The following SUGCT variants were observed in gnomAD, a reference collection of about 807,000 sequenced individuals.
SUGCT encodes succinyl-CoA:glutarate CoA-transferase.
A neutral mutation model predicts 55.0 loss-of-function variants in SUGCT; 41 were observed. The ratio of observed to expected loss-of-function variants is 0.74; its 90% confidence interval spans 0.58 to 0.97. The LOEUF is 0.97. Among genes scored for constraint, SUGCT ranks in the 50% least tolerant of loss-of-function variants. SUGCT has a pLI of 0.00. For missense variants in SUGCT, 568 were observed against 547.8 expected (o/e 1.04, Z -0.37); for synonymous variants, 187 against 200.4 (o/e 0.93, Z 0.56).
At chr7:40,943,293 A>T in the SUGCT span, among the ~76,000 whole-genome samples, 1 of 150,154 alleles carries the variant, frequency 6.7e-6, no homozygotes, top group Non-Finnish European at 1.5e-5. Context: ...ATTATTTATT[A>T]TTATACTTTA....
At chr7:40,321,732 C>A (rs1795765078) in intron 9 of SUGCT, among the ~76,000 whole-genome samples, 1 of 152,140 alleles carries the variant, frequency 6.6e-6, no homozygotes, top group Non-Finnish European at 1.5e-5. Context: ...GCCTCCAATT[C>A]CATCCATGTT....
intron 1 of SUGCT, among the ~76,000 whole-genome samples, chr7:40,179,578 C>T (rs1440610152): frequency 1.3e-5 from 2 of 152,242 alleles, no homozygotes; most frequent in South Asian, 2.1e-4. Context: ...CCACCATGCC[C>T]GGCCAGTTGG....
intron 9 of SUGCT, among the ~76,000 whole-genome samples, chr7:40,378,556 C>T (rs1434383709): frequency 2.0e-5 from 3 of 152,064 alleles, no homozygotes; most frequent in Admixed American, 1.3e-4. Flanking sequence ...CACTGCAATC[C>T]CTGCCTCCCA....
At chr7:40,949,297 G>C in the SUGCT span, among the ~76,000 whole-genome samples, 1 of 152,036 alleles carries the variant, frequency 6.6e-6, no homozygotes, top group African/African-American at 2.4e-5. Flanking sequence ...CTTGTTGATG[G>C]GGTTGTTTGT....
the SUGCT span, among the ~76,000 whole-genome samples, chr7:41,037,306 G>C: frequency 6.6e-6 from 1 of 151,804 alleles, no homozygotes; most frequent in African/African-American, 2.4e-5. Flanking sequence ...ATGTCTGTGG[G>C]TCTCACTTGC....
At chr7:40,984,650 T>C in the SUGCT span, among the ~76,000 whole-genome samples, 1 of 152,322 alleles carries the variant, frequency 6.6e-6, no homozygotes, top group East Asian at 1.9e-4. Flanking sequence ...CCATCTGTGA[T>C]GTTCTAGGTT....
In SUGCT at chr7:40,159,629, A is replaced by C. The variant is rs539902779; in HGVS notation, c.101-21318A>C. Among the ~76,000 whole-genome samples the C allele has an allele frequency of 1.5e-3, 221 of 152,158 alleles. 1 individual carries two copies. The highest frequency in any genetic ancestry group is 2.5e-3 in the Non-Finnish European group (173 of 67,992). On this transcript the variant is annotated intron_variant, in intron 1 of 13. Transcript: ENST00000335693. ...TGTTATCTGCCCACCTCGGCCTCCC[A>C]AAGTGCTGGAATTACAGGTGTGAGC...
At chr7:40,705,823 C>T (rs540251350) in intron 12 of SUGCT, among the ~76,000 whole-genome samples, 8 of 152,214 alleles carry the variant, frequency 5.3e-5, no homozygotes, top group African/African-American at 9.6e-5. Context: ...TGCACCCTGG[C>T]GGCTCCTTTC....
At chr7:40,879,084 G>A in the SUGCT span, among the ~76,000 whole-genome samples, 2 of 152,020 alleles carry the variant, frequency 1.3e-5, no homozygotes, top group African/African-American at 4.8e-5. Context: ...GAACCACCGC[G>A]CCCAGCCCCT....
At chr7:40,960,425 G>T in the SUGCT span, among the ~76,000 whole-genome samples, 1 of 152,200 alleles carries the variant, frequency 6.6e-6, no homozygotes, top group Middle Eastern at 3.4e-3. Context: ...CAGTATTTTT[G>T]AGAAGAGTCC....
chr7:40,883,431 C>G, the SUGCT span, among the ~76,000 whole-genome samples: 2 of 152,286 alleles, frequency 1.3e-5, no homozygotes, highest in East Asian at 3.9e-4. Context: ...TAGAAATTAA[C>G]AGCATGGGCC....
intron 12 of SUGCT, among the ~76,000 whole-genome samples, chr7:40,567,914 T>C (rs1187726398): frequency 1.3e-5 from 2 of 152,374 alleles, no homozygotes; most frequent in Non-Finnish European, 2.9e-5. Context: ...GAATCTCTTA[T>C]GATGGCATAC....
chr7:40,833,321 C>T (rs5883741), intron 13 of SUGCT, among the ~76,000 whole-genome samples: 14,580 of 136,502 alleles, frequency 0.11, 757 homozygotes, highest in Middle Eastern at 0.19. Context: ...AGTTTTTTCC[C>T]TTTTTTTCTA....
chr7:40,256,728 T>C (rs1185787409), intron 7 of SUGCT, among the ~76,000 whole-genome samples: 1 of 152,100 alleles, frequency 6.6e-6, no homozygotes, highest in Non-Finnish European at 1.5e-5. Flanking sequence ...TTGGAATACA[T>C]AATTTTTTAT....
intron 12 of SUGCT, among the ~76,000 whole-genome samples, chr7:40,650,074 G>A (rs1488930058): frequency 2.0e-5 from 3 of 152,190 alleles, no homozygotes; most frequent in African/African-American, 2.4e-5. Context: ...TTTGAAATCA[G>A]GGTTCATTTC....
At position 40,437,020 on chromosome 7, in the gene SUGCT, T is replaced by A. The variant is rs566753959; in HGVS notation, c.817-12267T>A. Reference sequence around the variant, plus strand: ...TAGTTCAGGTTTCTTAAAACCAGTTTTTGGCCTATATTCCTCAGGAAGAAA... The same window carrying A: ...TAGTTCAGGTTTCTTAAAACCAGTTATTGGCCTATATTCCTCAGGAAGAAA... On this transcript the variant is annotated intron_variant, in intron 9 of 13. Coordinates refer to ENST00000335693, the MANE Select transcript of SUGCT (RefSeq NM_001193313.2). Among the ~76,000 whole-genome samples the A allele has an allele frequency of 4.6e-5, 7 of 152,302 alleles. No individual in the cohort carries two copies. In the South Asian group the frequency reaches 1.5e-3, roughly 32 times the overall value.
At chr7:40,205,848 G>A (rs1024924382) in intron 6 of SUGCT, among the ~76,000 whole-genome samples, 2 of 152,042 alleles carry the variant, frequency 1.3e-5, no homozygotes, top group Admixed American at 1.3e-4. Flanking sequence ...AGGAGATTGA[G>A]CTGTTTTTCT....
At chr7:40,269,048 G>A (rs915758394) in intron 7 of SUGCT, among the ~76,000 whole-genome samples, 4 of 152,106 alleles carry the variant, frequency 2.6e-5, no homozygotes, top group African/African-American at 9.7e-5. Flanking sequence ...AGTGACTACC[G>A]CATTTCACAG....
At chr7:41,029,985 A>G in the SUGCT span, among the ~76,000 whole-genome samples, 1 of 152,192 alleles carries the variant, frequency 6.6e-6, no homozygotes, top group East Asian at 1.9e-4. Flanking sequence ...TCCTTTCCAC[A>G]ATGTTATAGA....
Sources: gnomAD v4.1 joint callset for allele counts (sites outside exome capture counted in the v4.1 genomes callset) on GRCh38, gnomAD v4.1.1 for gene constraint, MANE v1.5 for transcripts, NCBI Gene and HGNC (gene_info 2026-07-23, HGNC 2026-07-21) for gene names.